ANKS1B: variants seen among roughly 807,000 people sequenced by gnomAD.
ANKS1B encodes ankyrin repeat and sterile alpha motif domain-containing protein 1B.
A neutral mutation model predicts 148.3 loss-of-function variants in ANKS1B; 36 were observed. The ratio of observed to expected loss-of-function variants is 0.24; its 90% CI spans 0.19 to 0.32. The LOEUF is 0.32. ANKS1B is among the 10% of genes least tolerant of loss of function. ANKS1B has a pLI of 1.00. For missense variants in ANKS1B, 1,157 were observed against 1,542.6 expected (o/e 0.75, Z 4.19); for synonymous variants, 542 against 560.8 (o/e 0.97, Z 0.47).
chr12:99,620,911 C>A (rs1324186122), intron 9 of ANKS1B, among the ~76,000 whole-genome samples: 2 of 152,198 alleles, frequency 1.3e-5, no homozygotes, highest in Non-Finnish European at 2.9e-5. Context: ...CCAGAGAACA[C>A]CTGCAAGATA....
rs538797450 is a variant in ANKS1B, at chr12:99,427,458, T to C, written c.1575+16215A>G. 4.6e-5 allele frequency among the ~76,000 whole-genome samples: 7 copies of C among 152,250 alleles called. No individual in the cohort carries two copies. In the South Asian group the frequency reaches 1.5e-3, roughly 32 times the overall value. On this transcript the variant is annotated intron_variant, in intron 11 of 26. Transcript: ENST00000683438. ...CTGACTCTTTTCATGGCTAACTGTT[T>C]CTCCTCATTCATGTTCCAGCTCGAA... is the stretch of plus-strand genomic sequence containing the variant.
intron 15 of ANKS1B, among the ~76,000 whole-genome samples, chr12:99,109,544 A>G (rs1312313738): frequency 6.6e-6 from 1 of 152,068 alleles, no homozygotes; most frequent in African/African-American, 2.4e-5. Context: ...TAATTTCTTC[A>G]CCCTCAATTT....
At chr12:99,394,907 TC>T (rs140948635) in intron 12 of ANKS1B, among the ~76,000 whole-genome samples, 21,688 of 152,210 alleles carry the variant, frequency 0.14, 1,702 homozygotes, top group African/African-American at 0.2. Flanking sequence ...CTGGTATTTC[TC>T]ACTGTTTACC....
chr12:99,487,838 C>T (rs2096513205), intron 10 of ANKS1B, among the ~76,000 whole-genome samples: 1 of 152,038 alleles, frequency 6.6e-6, no homozygotes, highest in South Asian at 2.1e-4. Context: ...TCTATTAAAT[C>T]AAGCTTATTA....
intron 1 of ANKS1B, among the ~76,000 whole-genome samples, chr12:99,922,083 A>G (rs759005798): frequency 2.0e-5 from 3 of 152,148 alleles, no homozygotes; most frequent in Non-Finnish European, 4.4e-5. Context: ...CCTCCTCTAT[A>G]AAATGTGGAT....
chr12:99,978,872 T>G (rs750480432), intron 1 of ANKS1B, among the ~76,000 whole-genome samples: 15 of 152,322 alleles, frequency 9.8e-5, no homozygotes, highest in Non-Finnish European at 1.6e-4. Context: ...GACAAGAATT[T>G]ACTAAATACA....
chr12:99,892,504 G>T (rs1004685008), intron 1 of ANKS1B, among the ~76,000 whole-genome samples: 16 of 152,240 alleles, frequency 1.1e-4, no homozygotes, highest in African/African-American at 3.6e-4. Flanking sequence ...ACCAACTTGA[G>T]AAACCTGAAT....
chr12:99,325,395 G>A (rs1445348651), intron 12 of ANKS1B, among the ~76,000 whole-genome samples: 3 of 152,092 alleles, frequency 2.0e-5, no homozygotes, highest in East Asian at 3.9e-4. Flanking sequence ...GAAATTGGCA[G>A]TTTACAAATG....
At chr12:99,940,725 T>C (rs184558832) in intron 1 of ANKS1B, among the ~76,000 whole-genome samples, 116 of 152,264 alleles carry the variant, frequency 7.6e-4, no homozygotes, top group African/African-American at 2.6e-3. Context: ...TTTAAATGCC[T>C]TGTAAGAGAA....
At chr12:99,648,455 T>C in intron 9 of ANKS1B, 1 of 1,614,188 alleles carries the variant, frequency 6.2e-7, no homozygotes, top group Non-Finnish European at 8.5e-7. Flanking sequence ...CCAGCTGCTG[T>C]CTGTGACAAT....
intron 12 of ANKS1B, among the ~76,000 whole-genome samples, chr12:99,272,709 T>C (rs760162342): frequency 1.1e-4 from 17 of 152,198 alleles, no homozygotes; most frequent in Admixed American, 5.9e-4. Flanking sequence ...GAACATAACA[T>C]ACATTTTGGG....
chr12:99,162,390 A>G (rs2076745650), intron 14 of ANKS1B, among the ~76,000 whole-genome samples: 1 of 152,172 alleles, frequency 6.6e-6, no homozygotes, highest in Admixed American at 6.5e-5. Context: ...TAATAAAAAC[A>G]AATCTTAAAA....
chr12:99,232,477 T>G (rs968261229), intron 14 of ANKS1B, among the ~76,000 whole-genome samples: 1 of 152,238 alleles, frequency 6.6e-6, no homozygotes, highest in Admixed American at 6.5e-5. Flanking sequence ...TTGTGAAGCC[T>G]GAGCGCTTGA....
At chr12:99,446,681 G>A (rs146532115) in intron 10 of ANKS1B, among the ~76,000 whole-genome samples, 53 of 152,038 alleles carry the variant, frequency 3.5e-4, no homozygotes, top group African/African-American at 1.0e-3. Flanking sequence ...GAAGAAGATC[G>A]GCATAGTTGA....
chr12:99,490,420 A>G (rs769186207), intron 10 of ANKS1B, among the ~76,000 whole-genome samples: 7 of 152,258 alleles, frequency 4.6e-5, no homozygotes, highest in South Asian at 2.1e-4. Flanking sequence ...ATGAAATCAC[A>G]GATCTGGATA....
intron 9 of ANKS1B, among the ~76,000 whole-genome samples, chr12:99,563,708 T>G (rs2097360880): frequency 6.6e-6 from 1 of 152,152 alleles, no homozygotes; most frequent in Non-Finnish European, 1.5e-5. Context: ...ACCAATAGAT[T>G]TAATCAATGC....
chr12:99,685,930 T>C (rs1053101825), intron 8 of ANKS1B, among the ~76,000 whole-genome samples: 1 of 152,024 alleles, frequency 6.6e-6, no homozygotes, highest in African/African-American at 2.4e-5. Flanking sequence ...AGCTAAGCTA[T>C]GAAGATACAA....
At position 98,751,707 on chromosome 12, in the gene ANKS1B, G is replaced by A. The variant is rs573157453; in HGVS notation, c.3580-185C>T. 1.0e-3 allele frequency among the ~76,000 whole-genome samples: 157 copies of A among 152,324 alleles called. 1 individual carries two copies. Among genetic ancestry groups the A allele is most frequent in the African/African-American group, 3.8e-3 (157 of 41,574 alleles). ...CGGGTCCAACTTAGGGTTTACACCAGGCTTTAGTCATTTGTGAAAAGAAAA... is the reference window on the plus strand; with the variant it reads ...CGGGTCCAACTTAGGGTTTACACCAAGCTTTAGTCATTTGTGAAAAGAAAA... On this transcript the variant is annotated intron_variant, in intron 25 of 26. Transcript: ENST00000683438. The surrounding 1 kb of genome is among the most constrained non-coding windows in gnomAD (Gnocchi z 4.3).
At chr12:99,801,771 G>A (rs888420200) in intron 4 of ANKS1B, among the ~76,000 whole-genome samples, 5 of 152,178 alleles carry the variant, frequency 3.3e-5, no homozygotes, top group African/African-American at 1.2e-4. Flanking sequence ...ATATTTGTCA[G>A]AGTTCCCACG....
Sources: gnomAD v4.1 joint callset for allele counts (sites outside exome capture counted in the v4.1 genomes callset) on GRCh38, gnomAD v4.1.1 for gene constraint, Gnocchi (gnomAD v3.1) non-coding constraint, MANE v1.5 for transcripts, NCBI Gene and HGNC (gene_info 2026-07-23, HGNC 2026-07-21) for gene names.